The following PCDHGB5 variants were observed in gnomAD, a reference collection of about 807,000 sequenced individuals.
PCDHGB5 encodes the protein protocadherin gamma-B5.
A neutral mutation model predicts 62.9 loss-of-function variants in PCDHGB5; 48 were observed. That is an observed-to-expected ratio of 0.76 (90% CI 0.61 to 0.97). The LOEUF (loss-of-function observed/expected upper bound fraction) is 0.97. Among genes scored for constraint, PCDHGB5 ranks in the 50% least tolerant of loss-of-function variants. PCDHGB5 has a pLI of 0.00. For missense variants in PCDHGB5, 1,118 were observed against 1,198.6 expected (o/e 0.93, Z 0.99); for synonymous variants, 474 against 511.2 (o/e 0.93, Z 0.98).
intron 1 of PCDHGB5, among the ~76,000 whole-genome samples, chr5:141,471,996 G>A (rs2099268647): frequency 6.6e-6 from 1 of 152,006 alleles, no homozygotes; most frequent in Admixed American, 6.6e-5. Context: ...AAAAATCCCT[G>A]CATCGTATAG....
In PCDHGB5 at chr5:141,409,316, C is replaced by T. The variant is rs114361948; in HGVS notation, c.2397+8792C>T. 56 of 1,613,968 alleles carry T rather than the reference C, an allele frequency of 3.5e-5. No individual in the cohort carries two copies. The African/African-American group carries it at 6.5e-4, about 19-fold the overall frequency. On this transcript the variant is annotated intron_variant, in intron 1 of 3. Transcript: ENST00000617380. ...AATGGTTGTTGCCCTCTTCAAAACA[C>T]GGGATCTGGATTTCGGAGGAAATGG...
intron 1 of PCDHGB5, among the ~76,000 whole-genome samples, chr5:141,444,732 A>G (rs2098445644): frequency 6.6e-6 from 1 of 152,194 alleles, no homozygotes; most frequent in Admixed American, 6.6e-5. Context: ...CTTTGTTGAA[A>G]GTCATTTCAC....
At chr5:141,478,088 A>G (rs2099429877) in intron 1 of PCDHGB5, 2 of 1,613,944 alleles carry the variant, frequency 1.2e-6, no homozygotes, top group African/African-American at 1.3e-5. Context: ...TTCGCTCTCC[A>G]CCACTGCTAC....
chr5:141,454,796 ATTTTTTTTTT>A (rs61612330), intron 1 of PCDHGB5, among the ~76,000 whole-genome samples: 11 of 77,458 alleles, frequency 1.4e-4, no homozygotes, highest in East Asian at 8.0e-4. Flanking sequence ...CATGGTTCTA[ATTTTTTTTTT>A]TTTTTTTTTT....
At chr5:141,408,598 A>G (rs1391583761) in intron 1 of PCDHGB5, 1 of 1,614,070 alleles carries the variant, frequency 6.2e-7, no homozygotes, top group Admixed American at 1.7e-5. Flanking sequence ...ACGCCCCTCA[A>G]TTTGATAAAA....
At chr5:141,433,926 A>T (rs2154556019) in intron 1 of PCDHGB5, among the ~76,000 whole-genome samples, 1 of 151,830 alleles carries the variant, frequency 6.6e-6, no homozygotes, top group African/African-American at 2.4e-5. Context: ...CCAAATGAAG[A>T]TTTTATAATT....
chr5:141,407,616 C>T (rs752226894), intron 1 of PCDHGB5, among the ~76,000 whole-genome samples: 3 of 151,970 alleles, frequency 2.0e-5, no homozygotes, highest in Non-Finnish European at 4.4e-5. Flanking sequence ...CATTGGTTGA[C>T]ATTCTATATC....
chr5:141,401,587 T>C (rs1455949609), intron 1 of PCDHGB5, among the ~76,000 whole-genome samples: 3 of 152,226 alleles, frequency 2.0e-5, no homozygotes, highest in Non-Finnish European at 2.9e-5. Context: ...TCCTGACATA[T>C]TCTTGAAGAA....
rs576464275 is a variant in PCDHGB5, at chr5:141,448,784, CA to C, written c.2398-46012del. ...TGAAACCCCGTCTGTACTAAAAATA[CA>C]AAAAAAAAAATTAGCCAGGCGTGAT... On this transcript the variant is annotated intron_variant, in intron 1 of 3. Coordinates refer to ENST00000617380, the MANE Select transcript of PCDHGB5 (RefSeq NM_018925.3). Among the ~76,000 whole-genome samples, 323 of 145,522 alleles carry C rather than the reference CA, an allele frequency of 2.2e-3. 2 individuals are homozygous for C. The highest frequency in any genetic ancestry group is 5.9e-3 in the African/African-American group (238 of 40,012).
At chr5:141,443,059 A>G (rs148799842) in intron 1 of PCDHGB5, among the ~76,000 whole-genome samples, 145 of 152,348 alleles carry the variant, frequency 9.5e-4, no homozygotes, top group African/African-American at 3.3e-3. Context: ...GTTCCACTGA[A>G]GAGCGTCTTA....
chr5:141,420,795 A>G (rs1046945975), intron 1 of PCDHGB5, among the ~76,000 whole-genome samples: 1 of 152,260 alleles, frequency 6.6e-6, no homozygotes, highest in Non-Finnish European at 1.5e-5. Flanking sequence ...AAAACTTTTT[A>G]AAAATTAAGC....
rs759587995 is a variant in PCDHGB5, at chr5:141,491,802, G to T, written c.2398-3005G>T. On this transcript the variant is annotated intron_variant, in intron 1 of 3. Coordinates refer to ENST00000617380, the MANE Select transcript of PCDHGB5 (RefSeq NM_018925.3). The surrounding 1 kb of genome is among the most constrained non-coding windows in gnomAD (Gnocchi z 6.9). ...ACTTGCATCCACTCCTCTCCGGCCGGCTTGGTCGCTGGCTGCGCTCCACCC... is the reference window on the plus strand; with the variant it reads ...ACTTGCATCCACTCCTCTCCGGCCGTCTTGGTCGCTGGCTGCGCTCCACCC... 1 of 1,497,480 alleles carries T rather than the reference G, an allele frequency of 6.7e-7. No individual in the cohort carries two copies. Among genetic ancestry groups the T allele is most frequent in the East Asian group, 2.5e-5 (1 of 40,518 alleles). The allele number at this position is 1,497,480 out of a possible 1,614,324, so 92.8% of individuals were successfully genotyped here. A position where few individuals can be genotyped will look rare whatever the true frequency, so the allele number is the denominator to read the frequency against.
chr5:141,401,506 C>A (rs2094161695), intron 1 of PCDHGB5, among the ~76,000 whole-genome samples: 1 of 152,126 alleles, frequency 6.6e-6, no homozygotes, highest in Non-Finnish European at 1.5e-5. Flanking sequence ...CCTTTTCCAC[C>A]TCTATATAAT....
chr5:141,455,159 G>GTT (rs1390145608), intron 1 of PCDHGB5, among the ~76,000 whole-genome samples: 4 of 144,860 alleles, frequency 2.8e-5, no homozygotes, highest in African/African-American at 7.8e-5. Context: ...TTAGTTTGTT[G>GTT]GTTTTTTTTT....
intron 1 of PCDHGB5, among the ~76,000 whole-genome samples, chr5:141,458,112 A>C (rs2098937913): frequency 6.6e-6 from 1 of 152,208 alleles, no homozygotes; most frequent in Non-Finnish European, 1.5e-5. Context: ...ATAGTCTCCA[A>C]ATTTTAGAGG....
At position 141,465,539 on chromosome 5, in the gene PCDHGB5, T is replaced by C. The variant is rs2099105222; in HGVS notation, c.2398-29268T>C. On this transcript the variant is annotated intron_variant, in intron 1 of 3. Transcript: ENST00000617380. ...GATTCTGGGGAAGTTTTCCCAGGCA[T>C]TTTTTCTGCTGAAGCTTTGGTAACT... Among the ~76,000 whole-genome samples the C allele has an allele frequency of 2.0e-5, 3 of 152,178 alleles. No homozygotes were observed. In the South Asian group the frequency reaches 6.2e-4, roughly 32 times the overall value.
rs775997367 is a variant in PCDHGB5 at position 141,398,866 on chromosome 5, T to TAC, written c.741_742dup (p.Arg248ThrfsTer44). 1.7e-5 allele frequency: 28 copies of TAC among 1,613,844 alleles called. No individual in the cohort carries two copies. Among genetic ancestry groups the TAC allele is most frequent in the Non-Finnish European group, 8.5e-7 (1 of 1,179,910 alleles). On this transcript the variant is annotated frameshift_variant, in exon 1 of 4. Transcript: ENST00000617380. LOFTEE classifies it high-confidence loss of function. ...TCCCCCGGTATTCAACCGAGACGTGTACAGAGTCAGCCTTCGGGAAAACGT... is the reference window on the plus strand; with the variant it reads ...TCCCCCGGTATTCAACCGAGACGTGTACACAGAGTCAGCCTTCGGGAAAACGT...
rs1212381177 is a variant in PCDHGB5 at position 141,438,571 on chromosome 5, TATACATAC to T, written c.2397+38063_2397+38070del. On this transcript the variant is annotated intron_variant, in intron 1 of 3. Coordinates refer to ENST00000617380, the MANE Select transcript of PCDHGB5 (RefSeq NM_018925.3). Reference sequence around the variant, plus strand: ...GCCCTAATAAGAGGCAGCTGTCTGATATACATACATACATACATACATATATATATATA... The same window carrying T: ...GCCCTAATAAGAGGCAGCTGTCTGATATACATACATACATATATATATATA... Among the ~76,000 whole-genome samples the T allele has an allele frequency of 2.8e-4, 26 of 94,536 alleles. 1 individual carries two copies. Among genetic ancestry groups the T allele is most frequent in the South Asian group, 1.0e-3 (3 of 2,950 alleles). 62.0% of individuals were successfully genotyped at this position (94,536 alleles called of 152,430 possible). A position where few individuals can be genotyped will look rare whatever the true frequency, so the allele number is the denominator to read the frequency against.
At chr5:141,421,418 G>A (rs771088122) in intron 1 of PCDHGB5, 1 of 1,614,086 alleles carries the variant, frequency 6.2e-7, no homozygotes, top group Admixed American at 1.7e-5. Flanking sequence ...GCGAAGCGCG[G>A]AGTCCGCATC....
Sources: allele counts gnomAD v4.1 joint callset (sites outside exome capture counted in the v4.1 genomes callset), GRCh38; gene constraint gnomAD v4.1.1; non-coding constraint Gnocchi (gnomAD v3.1); transcripts MANE v1.5; gene names NCBI Gene and HGNC (gene_info 2026-07-23, HGNC 2026-07-21).